ZNF880: variants seen among roughly 807,000 people sequenced by gnomAD.
The protein encoded by ZNF880 is zinc finger protein LOC400713.
ZNF880 carries 12 observed loss-of-function variants against 11.8 expected under a neutral mutation model. The observed-to-expected ratio is 1.02, with a 90% CI of 0.65 to 1.65. The LOEUF (loss-of-function observed/expected upper bound fraction) is 1.65. Among genes scored for constraint, ZNF880 ranks in the 40% most tolerant of loss-of-function variants. The probability of loss-of-function intolerance (pLI) is 0.00; values close to 1 mark genes in which losing one functional copy is unlikely to be tolerated. For synonymous variants in ZNF880, 210 were observed against 232.4 expected, an observed-to-expected ratio of 0.90 and a Z score of 0.88; for missense variants, 601 against 673.9, an observed-to-expected ratio of 0.89 and a Z score of 1.20.
downstream of ZNF880, among the ~76,000 whole-genome samples, chr19:52,387,529 A>G (rs1319133927): frequency 7.1e-6 from 1 of 139,958 alleles, no homozygotes; most frequent in East Asian, 2.0e-4. Flanking sequence ...GCTCACTGCA[A>G]CCTCTGCCTC....
chr19:52,373,965 G>A (rs780726), intron 2 of ZNF880, among the ~76,000 whole-genome samples: 48,014 of 151,822 alleles, frequency 0.32, 9,216 homozygotes, highest in African/African-American at 0.55. Context: ...CACCGTGCCT[G>A]GCGAAATACT....
downstream of ZNF880, among the ~76,000 whole-genome samples, chr19:52,387,690 C>G (rs1163136457): frequency 1.4e-5 from 2 of 143,180 alleles, 1 homozygote; most frequent in Non-Finnish European, 3.0e-5. Context: ...CTCAGGCAAT[C>G]TGCCTGCCTC....
chr19:52,387,211 G>T (rs569421732), downstream of ZNF880, among the ~76,000 whole-genome samples: 3 of 144,122 alleles, frequency 2.1e-5, no homozygotes, highest in South Asian at 6.5e-4. Context: ...GAACAATTTT[G>T]TGTGTGTGAA....
chr19:52,382,775 T>G (rs1452697098), intron 3 of ZNF880, among the ~76,000 whole-genome samples: 1 of 152,206 alleles, frequency 6.6e-6, no homozygotes, highest in Non-Finnish European at 1.5e-5. Flanking sequence ...TTCGTTTTAG[T>G]TAGCATTTTA....
intron 1 of ZNF880, among the ~76,000 whole-genome samples, chr19:52,372,028 A>T (rs990696051): frequency 4.0e-5 from 6 of 151,742 alleles, no homozygotes; most frequent in Admixed American, 3.9e-4. Flanking sequence ...GTCTCTACTA[A>T]AAATAGAAAA....
intron 3 of ZNF880, among the ~76,000 whole-genome samples, chr19:52,377,097 C>T (rs1157954526): frequency 6.6e-6 from 1 of 152,096 alleles, no homozygotes; most frequent in African/African-American, 2.4e-5. Flanking sequence ...TTCCCATGGT[C>T]TCTGTTTCTG....
chr19:52,389,267 T>G (rs1413953553), downstream of ZNF880: 3 of 152,186 alleles, frequency 2.0e-5, no homozygotes, highest in Non-Finnish European at 4.4e-5. Context: ...AGTCCAAAGT[T>G]TCATCTGAGA....
downstream of ZNF880, among the ~76,000 whole-genome samples, chr19:52,387,651 G>A (rs1986921764): frequency 7.0e-6 from 1 of 142,150 alleles, no homozygotes. Context: ...GTTTCACCAT[G>A]TTGCCCAGGC....
At chr19:52,389,876 A>G (rs2058701271), downstream of ZNF880, 1 of 152,246 alleles carries the variant, frequency 6.6e-6, no homozygotes, top group Non-Finnish European at 1.5e-5. Context: ...AGAACCATTC[A>G]ACAACCATTT....
chr19:52,370,282 C>A, intron 1 of ZNF880: 1 of 420,744 alleles, frequency 2.4e-6, no homozygotes, highest in Non-Finnish European at 4.4e-6. Flanking sequence ...TTCTCACCCG[C>A]GAGATGGATC....
chr19:52,372,640 G>A (rs564724529), intron 1 of ZNF880, among the ~76,000 whole-genome samples: 1 of 148,436 alleles, frequency 6.7e-6, no homozygotes, highest in East Asian at 2.2e-4. Context: ...AGTGGCTCAT[G>A]CCTGTAATCC....
chr19:52,378,633 G>A (rs532389964), intron 3 of ZNF880, among the ~76,000 whole-genome samples: 12 of 142,636 alleles, frequency 8.4e-5, no homozygotes, highest in Non-Finnish European at 1.2e-4. Flanking sequence ...GTGACAGAGC[G>A]GGACTCTGTC....
intron 3 of ZNF880, among the ~76,000 whole-genome samples, chr19:52,375,221 C>T (rs555556975): frequency 4.6e-5 from 7 of 150,582 alleles, no homozygotes; most frequent in Non-Finnish European, 1.0e-4. Context: ...GAGTCTTGCT[C>T]TGTCGCCCAG....
Position 52,369,944 on chromosome 19 carries a change from C to T in ZNF880, c.-22C>T. 1 of 1,551,624 alleles carries T rather than the reference C, an allele frequency of 6.4e-7. No individual in the cohort carries two copies. Among genetic ancestry groups the T allele is most frequent in the Non-Finnish European group, 8.7e-7 (1 of 1,146,982 alleles). Reference sequence around the variant, plus strand: ...GCGCAGTTTCCTGGAGACCCGGAAGCAGATTACGTGGAGTGACGGTCATGC... The same window carrying T: ...GCGCAGTTTCCTGGAGACCCGGAAGTAGATTACGTGGAGTGACGGTCATGC... On this transcript the variant is annotated 5_prime_UTR_variant, in exon 1 of 4. Transcript: ENST00000422689.
In ZNF880 at chr19:52,385,396, C is replaced by G. The variant is rs916540914; in HGVS notation, c.*82C>G. 1.5e-5 allele frequency: 22 copies of G among 1,419,796 alleles called. No individual in the cohort carries two copies. Among genetic ancestry groups the G allele is most frequent in the Non-Finnish European group, 1.8e-5 (19 of 1,052,036 alleles). 87.9% of individuals were successfully genotyped at this position (1,419,796 alleles called of 1,614,324 possible). A position where few individuals can be genotyped will look rare whatever the true frequency, so the allele number is the denominator to read the frequency against. Reference sequence around the variant, plus strand: ...TCATTCATGAGAGAGTTCTTACAAACTGAGTATGGCAAACTCTTCATGCTA... The same window carrying G: ...TCATTCATGAGAGAGTTCTTACAAAGTGAGTATGGCAAACTCTTCATGCTA... On this transcript the variant is annotated 3_prime_UTR_variant, in exon 4 of 4. Transcript: ENST00000422689.
chr19:52,372,866 C>T (rs575974315), intron 1 of ZNF880, among the ~76,000 whole-genome samples: 7 of 143,128 alleles, frequency 4.9e-5, no homozygotes, highest in East Asian at 2.1e-4. Context: ...GCCAGGATCG[C>T]GCCACTGCAC....
rs74256648 is a variant in ZNF880, at chr19:52,384,129, G to A, written c.549G>A (p.Pro183=). ...QEQKAQIREK[P]CECNEHGKAF... is the part of the protein sequence containing the mutation. ...AAAAAGCACAAATAAGGGAAAAACC[G>A]TGTGAATGTAATGAGCATGGCAAAG... The change falls in exon 4 of 4, where the codon CCG becomes CCA. Residue 183 remains proline, a synonymous_variant. Transcript: ENST00000422689. The A allele has an allele frequency of 3.2e-3, 5,149 of 1,602,674 alleles. 121 individuals carry two copies. The East Asian group carries it at 0.052, about 16-fold the overall frequency.
chr19:52,390,015 C>T (rs1237810837), downstream of ZNF880: 1 of 152,240 alleles, frequency 6.6e-6, no homozygotes, highest in East Asian at 1.9e-4. Context: ...AGCAGCACCC[C>T]ACTCTATACC....
downstream of ZNF880, chr19:52,390,372 G>A: frequency 2.5e-6 from 1 of 406,288 alleles, no homozygotes; most frequent in Non-Finnish European, 5.0e-6. Context: ...CTGGGATCCT[G>A]CAGACCCTGC....
Sources: gnomAD v4.1 joint callset for allele counts (sites outside exome capture counted in the v4.1 genomes callset) on GRCh38, gnomAD v4.1.1 for gene constraint, MANE v1.5 for transcripts, NCBI Gene and HGNC (gene_info 2026-07-23, HGNC 2026-07-21) for gene names.